Variants in RBFOX1 observed in about 807,000 individuals in gnomAD.
RBFOX1 encodes RNA binding protein fox-1 homolog 1.
RBFOX1 carries 8 observed loss-of-function variants against 57.7 expected under a neutral mutation model. The ratio of observed to expected loss-of-function variants is 0.14; its 90% CI spans 0.08 to 0.25. The LOEUF (loss-of-function observed/expected upper bound fraction) is 0.25. Among genes scored for constraint, RBFOX1 ranks in the 10% least tolerant of loss-of-function variants. The probability of loss-of-function intolerance (pLI) is 1.00; values close to 1 mark genes in which losing one functional copy is unlikely to be tolerated. For missense variants in RBFOX1, 611 were observed against 548.5 expected (o/e 1.11, Z -1.14); for synonymous variants, 326 against 222.4 (o/e 1.47, Z -4.15).
intron 2 of RBFOX1, among the ~76,000 whole-genome samples, chr16:5,482,891 G>C (rs1057033097): frequency 2.0e-5 from 3 of 152,102 alleles, no homozygotes; most frequent in Non-Finnish European, 4.4e-5. Flanking sequence ...GATCCTTAAG[G>C]CCAAACAAAA....
chr16:6,577,919 A>G lies in RBFOX1; in HGVS notation c.-63-76684A>G, dbSNP rs1021435505. On this transcript the variant is annotated intron_variant, in intron 2 of 15. Transcript: ENST00000550418. ...ATCATTTTTTACTGCAATGTCATAC[A>G]AATGAGAAGGCTGGGATTCAGAGAG... Among the ~76,000 whole-genome samples, 4 of 152,368 alleles carry G rather than the reference A, an allele frequency of 2.6e-5. No homozygotes were observed. In the South Asian group the frequency reaches 6.2e-4, roughly 24 times the overall value.
At chr16:7,216,159 T>C (rs536971338) in intron 4 of RBFOX1, among the ~76,000 whole-genome samples, 33 of 152,308 alleles carry the variant, frequency 2.2e-4, no homozygotes, top group African/African-American at 6.7e-4. Flanking sequence ...GGATATACCA[T>C]GTTGTATTTA....
intron 3 of RBFOX1, among the ~76,000 whole-genome samples, chr16:5,617,119 G>T (rs912348322): frequency 6.7e-6 from 1 of 149,452 alleles, no homozygotes; most frequent in African/African-American, 2.5e-5. Flanking sequence ...CCCTCCGTCC[G>T]TCCCTCCCTC....
chr16:6,564,451 C>A (rs895622454), intron 2 of RBFOX1, among the ~76,000 whole-genome samples: 1 of 148,752 alleles, frequency 6.7e-6, no homozygotes, highest in African/African-American at 2.5e-5. Context: ...CAGAGTGAGA[C>A]TCTGTCTCAA....
At chr16:6,827,881 T>G (rs1255320781) in intron 3 of RBFOX1, among the ~76,000 whole-genome samples, 1 of 152,248 alleles carries the variant, frequency 6.6e-6, no homozygotes, top group African/African-American at 2.4e-5. Context: ...GCTATTCTCC[T>G]GGGAGGCAGT....
In RBFOX1 at chr16:7,306,841, G is replaced by A. The variant is rs1391957431; in HGVS notation, c.28-211306G>A. ...ATCGGCTGATTAAGAGTGTGAAATAGTTTAATCTCCACATACATAAATCAT... is the reference window on the plus strand; with the variant it reads ...ATCGGCTGATTAAGAGTGTGAAATAATTTAATCTCCACATACATAAATCAT... On this transcript the variant is annotated intron_variant, in intron 4 of 15. Coordinates refer to ENST00000550418, the MANE Select transcript of RBFOX1 (RefSeq NM_018723.4). 2.6e-5 allele frequency among the ~76,000 whole-genome samples: 4 copies of A among 152,126 alleles called. No individual in the cohort carries two copies. The East Asian group carries it at 7.7e-4, about 29-fold the overall frequency.
intron 5 of RBFOX1, among the ~76,000 whole-genome samples, chr16:7,534,481 G>A (rs868852758): frequency 2.0e-5 from 3 of 152,068 alleles, no homozygotes; most frequent in Admixed American, 6.6e-5. Context: ...TGAAGCTTAC[G>A]TGTAGAATAC....
chr16:7,709,920 A>G lies in RBFOX1; in HGVS notation c.1072-703A>G, dbSNP rs1365214208. ...CATGCAGTTTTCTGCTTGGATCAAGAATATCAGTCCTTACCCTAAAAATGA... is the reference window on the plus strand; with the variant it reads ...CATGCAGTTTTCTGCTTGGATCAAGGATATCAGTCCTTACCCTAAAAATGA... On this transcript the variant is annotated intron_variant, in intron 15 of 15. Transcript: ENST00000550418. The G allele has an allele frequency of 1.1e-5, 12 of 1,054,496 alleles. No homozygotes were observed. The South Asian group carries it at 4.2e-4, about 37-fold the overall frequency. 65.3% of individuals were successfully genotyped at this position (1,054,496 alleles called of 1,614,324 possible).
chr16:5,617,387 C>T (rs748768088), intron 3 of RBFOX1, among the ~76,000 whole-genome samples: 5 of 152,144 alleles, frequency 3.3e-5, no homozygotes, highest in Non-Finnish European at 5.9e-5. Context: ...CTCTGGTTCC[C>T]ATCCCGGGTG....
At chr16:7,061,340 A>G (rs2054199912) in intron 4 of RBFOX1, among the ~76,000 whole-genome samples, 1 of 152,338 alleles carries the variant, frequency 6.6e-6, no homozygotes, top group East Asian at 1.9e-4. Flanking sequence ...TTGCAAGAAC[A>G]TTAATTGATG....
chr16:5,883,929 A>G (rs914319041), intron 4 of RBFOX1, among the ~76,000 whole-genome samples: 5 of 152,200 alleles, frequency 3.3e-5, no homozygotes, highest in Non-Finnish European at 7.3e-5. Flanking sequence ...TGTTGATTGG[A>G]AGAAATGAGG....
At chr16:7,066,961 A>T (rs557997529) in intron 4 of RBFOX1, among the ~76,000 whole-genome samples, 26 of 152,340 alleles carry the variant, frequency 1.7e-4, no homozygotes, top group Admixed American at 5.9e-4. Context: ...AGAATTTTTC[A>T]TTCCAAAGAC....
intron 4 of RBFOX1, among the ~76,000 whole-genome samples, chr16:6,012,824 T>C (rs1222978771): frequency 6.6e-6 from 1 of 152,128 alleles, no homozygotes; most frequent in South Asian, 2.1e-4. Flanking sequence ...CAAAATCCCA[T>C]GAGAAAACAT....
intron 4 of RBFOX1, among the ~76,000 whole-genome samples, chr16:7,174,959 C>A (rs566105669): frequency 4.7e-4 from 71 of 152,278 alleles, no homozygotes; most frequent in African/African-American, 1.6e-3. Context: ...GTGGTGATAT[C>A]TCATCATCAT....
At chr16:7,166,114 A>G (rs1286772824) in intron 4 of RBFOX1, among the ~76,000 whole-genome samples, 2 of 152,086 alleles carry the variant, frequency 1.3e-5, no homozygotes, top group African/African-American at 4.8e-5. Flanking sequence ...CCGGGATTCA[A>G]GTGATTCTCC....
At chr16:5,631,487 G>A (rs1049662074) in intron 3 of RBFOX1, among the ~76,000 whole-genome samples, 1 of 152,010 alleles carries the variant, frequency 6.6e-6, no homozygotes, top group African/African-American at 2.4e-5. Flanking sequence ...AACCAAGGAG[G>A]CGGAGGTTGC....
chr16:7,148,997 T>G (rs951095850), intron 4 of RBFOX1, among the ~76,000 whole-genome samples: 1 of 152,260 alleles, frequency 6.6e-6, no homozygotes, highest in African/African-American at 2.4e-5. Context: ...TTTGCTTCTT[T>G]CCTGGCTTAG....
intron 11 of RBFOX1, among the ~76,000 whole-genome samples, chr16:7,646,506 G>A (rs899848496): frequency 2.6e-5 from 4 of 152,224 alleles, no homozygotes; most frequent in African/African-American, 9.6e-5. Flanking sequence ...CCAAGGCTGG[G>A]GAAATGTGTC....
At chr16:7,070,144 C>T (rs936170896) in intron 4 of RBFOX1, among the ~76,000 whole-genome samples, 3 of 152,146 alleles carry the variant, frequency 2.0e-5, no homozygotes, top group East Asian at 1.9e-4. Context: ...GCTCATGGTG[C>T]ATTTCCCAAA....
Sources: allele counts gnomAD v4.1 joint callset (sites outside exome capture counted in the v4.1 genomes callset), GRCh38; gene constraint gnomAD v4.1.1; transcripts MANE v1.5; gene names NCBI Gene and HGNC (gene_info 2026-07-23, HGNC 2026-07-21).